The following ZNF829 variants were observed in gnomAD, a reference collection of about 807,000 sequenced individuals.
ZNF829 encodes the protein zinc finger protein 829.
ZNF829 carries 25 observed loss-of-function variants against 35.2 expected under a neutral mutation model. That is an observed-to-expected ratio of 0.71 (90% CI 0.52 to 0.99). ZNF829 has a LOEUF of 0.99. Among genes scored for constraint, ZNF829 ranks in the 50% least tolerant of loss-of-function variants. ZNF829 has a pLI of 0.00. For missense variants in ZNF829, 417 were observed against 515.3 expected (o/e 0.81, Z 1.85); for synonymous variants, 136 against 163.2 (o/e 0.83, Z 1.27).
chr19:36,903,555 G>T (rs2073189782), intron 5 of ZNF829, among the ~76,000 whole-genome samples: 1 of 152,094 alleles, frequency 6.6e-6, no homozygotes, highest in Non-Finnish European at 1.5e-5. Context: ...GACTATCTGG[G>T]AATAATCATA....
rs775154799 is a variant in ZNF829 at position 36,915,061 on chromosome 19, T to TG, written c.39-40dup. On this transcript the variant is annotated intron_variant, in intron 2 of 5. Transcript: ENST00000391711. ...AAATTGGGAGAGGGAAGAGTAACTG[T>TG]GAGACACCAGGTTTTTCTTGGTACC... The TG allele has an allele frequency of 4.3e-6, 7 of 1,613,956 alleles. No individual in the cohort carries two copies. In the South Asian group the frequency reaches 4.4e-5, roughly 10 times the overall value.
intron 5 of ZNF829, among the ~76,000 whole-genome samples, chr19:36,900,069 G>T (rs2073149535): frequency 6.6e-6 from 1 of 151,602 alleles, no homozygotes; most frequent in East Asian, 1.9e-4. Context: ...ACTTTGGGAG[G>T]CCAAGGTGGG....
chr19:36,915,289 A>G, intron 1 of ZNF829, 38 bp from the exon 2 acceptor site: 1 of 1,574,054 alleles, frequency 6.4e-7, no homozygotes, highest in Non-Finnish European at 8.6e-7. Context: ...CGCATAGTTG[A>G]CAGGACCCCA....
chr19:36,907,762 C>G lies in ZNF829; in HGVS notation c.319+167G>C, dbSNP rs1204643990. The G allele has an allele frequency of 3.3e-5, 18 of 540,052 alleles. No individual in the cohort carries two copies. The East Asian group carries it at 5.6e-4, about 17-fold the overall frequency. The allele number at this position is 540,052 out of a possible 1,614,324, so 33.5% of individuals were successfully genotyped here. ...AGAATAATTATAGCATAATTGTAGC[C>G]AGGGAGGTACTTGCTATATTGGACT... On this transcript the variant is annotated intron_variant, in intron 5 of 5. Coordinates refer to ENST00000391711, the MANE Select transcript of ZNF829 (RefSeq NM_001037232.4).
At chr19:36,912,840 T>C (rs2146251429) in intron 3 of ZNF829, 1 of 151,976 alleles carries the variant, frequency 6.6e-6, no homozygotes, top group South Asian at 2.1e-4. Context: ...CTACTAAAAA[T>C]ACAAAAATTA....
chr19:36,894,460 A>G (rs2073092623), intron 5 of ZNF829, among the ~76,000 whole-genome samples: 1 of 152,178 alleles, frequency 6.6e-6, no homozygotes, highest in Admixed American at 6.5e-5. Context: ...AACAAACAAG[A>G]AATCTATCAA....
At chr19:36,896,344 G>A (rs1319477132) in intron 5 of ZNF829, among the ~76,000 whole-genome samples, 30 of 151,402 alleles carry the variant, frequency 2.0e-4, no homozygotes, top group African/African-American at 6.1e-4. Flanking sequence ...TTAGCTGGGC[G>A]TGGTGGCATG....
chr19:36,895,358 T>G (rs10419369), intron 5 of ZNF829, among the ~76,000 whole-genome samples: 2,044 of 151,342 alleles, frequency 0.014, 56 homozygotes, highest in African/African-American at 0.047. Context: ...CAAATGAAAA[T>G]AAGAAGCTCA....
chr19:36,912,443 C>G (rs1008131588), intron 3 of ZNF829, among the ~76,000 whole-genome samples: 2 of 152,090 alleles, frequency 1.3e-5, no homozygotes, highest in Admixed American at 6.6e-5. Flanking sequence ...TTTCAAAATG[C>G]TGATCACAAG....
At position 36,891,830 on chromosome 19, in the gene ZNF829, C is replaced by T. The variant is rs1286058511; in HGVS notation, c.961G>A (p.Glu321Lys). The stretch of plus-strand genomic sequence containing the variant: ...CACTGCTTACATTCATAAGGTTTCT[C>T]ACCAGTATGCATTCTCTGATGCTGA... ...LIQHQRMHTG[E>K]KPYECKQCGK... Residue 321 changes from glutamate (E) to lysine (K), a missense_variant, in exon 6 of 6, where the codon GAG becomes AAG. Physicochemically the swap from Glu to Lys is moderately conservative, Grantham distance 56. Transcript: ENST00000391711. 2 of 1,614,110 alleles carry T rather than the reference C, an allele frequency of 1.2e-6. No homozygotes were observed. Among genetic ancestry groups the T allele is most frequent in the East Asian group, 2.2e-5 (1 of 44,868 alleles).
intron 5 of ZNF829, among the ~76,000 whole-genome samples, chr19:36,900,935 A>G (rs2073160343): frequency 6.6e-6 from 1 of 152,176 alleles, no homozygotes; most frequent in Non-Finnish European, 1.5e-5. Flanking sequence ...GGCATGTAAA[A>G]TGGTGCAGCC....
intron 3 of ZNF829, among the ~76,000 whole-genome samples, chr19:36,911,418 T>G (rs826265): frequency 0.87 from 131,546 of 151,990 alleles, 57,368 homozygotes; most frequent in African/African-American, 0.97. Context: ...CACCATGTTG[T>G]CCAGGCTGTT....
chr19:36,908,228 C>G, intron 4 of ZNF829, 105 bp downstream of exon 4: 1 of 1,464,576 alleles, frequency 6.8e-7, no homozygotes, highest in Non-Finnish European at 9.2e-7. Flanking sequence ...CCTTAGGGAA[C>G]AGGGAGCAGA....
intron 5 of ZNF829, among the ~76,000 whole-genome samples, chr19:36,896,687 A>G (rs1183311430): frequency 6.6e-6 from 1 of 152,252 alleles, no homozygotes; most frequent in Admixed American, 6.5e-5. Flanking sequence ...CTATCAGCAC[A>G]TGGAACATCC....
chr19:36,915,757 T>A, intron 1 of ZNF829: 1 of 1,122,874 alleles, frequency 8.9e-7, no homozygotes, highest in East Asian at 2.6e-5. Context: ...CCACCATGCC[T>A]AGCTAATTTT....
intron 5 of ZNF829, among the ~76,000 whole-genome samples, chr19:36,904,333 T>C (rs28626335): frequency 0.16 from 24,733 of 152,200 alleles, 2,540 homozygotes; most frequent in African/African-American, 0.28. Flanking sequence ...AAATGTATTA[T>C]CTTTGATGAG....
At chr19:36,895,838 C>T (rs1286097739) in intron 5 of ZNF829, among the ~76,000 whole-genome samples, 4 of 152,170 alleles carry the variant, frequency 2.6e-5, no homozygotes, top group Non-Finnish European at 5.9e-5. Flanking sequence ...AACACTGCAG[C>T]ACCCAGATAT....
chr19:36,907,803 G>GAAA, intron 5 of ZNF829, 126 bp downstream of exon 5: 73 of 594,958 alleles, frequency 1.2e-4, no homozygotes, highest in Middle Eastern at 3.6e-4. Flanking sequence ...AAAAGTATGA[G>GAAA]AAAAAAAAAA....
At chr19:36,902,412 A>C (rs1342808555) in intron 5 of ZNF829, among the ~76,000 whole-genome samples, 2 of 151,772 alleles carry the variant, frequency 1.3e-5, no homozygotes, top group African/African-American at 4.8e-5. Context: ...AGGCAGGCGG[A>C]TTACTTTAGC....
Sources: allele counts gnomAD v4.1 joint callset (sites outside exome capture counted in the v4.1 genomes callset), GRCh38; gene constraint gnomAD v4.1.1; transcripts MANE v1.5; gene names NCBI Gene and HGNC (gene_info 2026-07-23, HGNC 2026-07-21).